CADPS: variants seen among roughly 807,000 people sequenced by gnomAD.
The protein encoded by CADPS is calcium-dependent secretion activator 1.
Under a neutral mutation model 167.3 loss-of-function variants are expected in CADPS, and 57 were observed. The ratio of observed to expected loss-of-function variants is 0.34; its 90% CI spans 0.28 to 0.42. The LOEUF (loss-of-function observed/expected upper bound fraction) is 0.42, where lower values mean the gene tolerates loss of function less well. Ranked by LOEUF, CADPS falls within the 20% of genes least tolerant of loss-of-function variation. The pLI, the probability that CADPS is intolerant of heterozygous loss-of-function variation, is 1.00. For missense variants in CADPS, 1,414 were observed against 1,738.1 expected, an observed-to-expected ratio of 0.81 and a Z score of 3.32; for synonymous variants, 676 against 635.3, an observed-to-expected ratio of 1.06 and a Z score of -0.96.
chr3:62,659,536 C>A (rs1183100671), intron 4 of CADPS, among the ~76,000 whole-genome samples: 2 of 151,920 alleles, frequency 1.3e-5, no homozygotes, highest in African/African-American at 4.8e-5. Context: ...TCAGTGTAGA[C>A]TCTGTCTCTG....
chr3:62,520,032 A>G (rs2070072373), intron 13 of CADPS, among the ~76,000 whole-genome samples: 1 of 152,196 alleles, frequency 6.6e-6, no homozygotes, highest in Non-Finnish European at 1.5e-5. Flanking sequence ...TGGGGGAAAA[A>G]TGGAGCAATT....
At chr3:62,562,468 T>C (rs1415796393) in intron 9 of CADPS, among the ~76,000 whole-genome samples, 1 of 152,204 alleles carries the variant, frequency 6.6e-6, no homozygotes, top group Non-Finnish European at 1.5e-5. Flanking sequence ...GATGATAACA[T>C]CTGTGGGACA....
rs906364003 is a variant in CADPS at position 62,868,939 on chromosome 3, C to T, written c.441+5650G>A. ...AGAAATTATCCCAGAGTCTTGCCTACAATCAGTTGTTCATTAGTGGCAGGG... is the reference window on the plus strand; with the variant it reads ...AGAAATTATCCCAGAGTCTTGCCTATAATCAGTTGTTCATTAGTGGCAGGG... On this transcript the variant is annotated intron_variant, in intron 1 of 29. Transcript: ENST00000383710. 2.6e-5 allele frequency among the ~76,000 whole-genome samples: 4 copies of T among 152,192 alleles called. No individual in the cohort carries two copies. In the East Asian group the frequency reaches 7.7e-4, roughly 29 times the overall value.
At chr3:62,574,377 C>A (rs976875315) in intron 8 of CADPS, among the ~76,000 whole-genome samples, 8 of 152,028 alleles carry the variant, frequency 5.3e-5, no homozygotes, top group African/African-American at 1.9e-4. Context: ...TAGGAGGAAG[C>A]GGGGCAAGAG....
intron 3 of CADPS, among the ~76,000 whole-genome samples, chr3:62,696,835 A>G (rs964225226): frequency 6.6e-6 from 1 of 152,078 alleles, no homozygotes; most frequent in African/African-American, 2.4e-5. Flanking sequence ...GATCATTTGC[A>G]CATGAGGATG....
chr3:62,798,064 A>C (rs2093550155), intron 1 of CADPS, among the ~76,000 whole-genome samples: 1 of 152,222 alleles, frequency 6.6e-6, no homozygotes. Flanking sequence ...TGGCAGACAG[A>C]CAATATACAA....
At chr3:62,618,431 G>A (rs934201785) in intron 6 of CADPS, among the ~76,000 whole-genome samples, 1 of 152,150 alleles carries the variant, frequency 6.6e-6, no homozygotes, top group African/African-American at 2.4e-5. Context: ...TGGTATCATT[G>A]GGACTGCAAG....
intron 21 of CADPS, 68 bp from the exon 22 acceptor site, chr3:62,481,937 C>A (rs138982059): frequency 6.9e-7 from 1 of 1,455,234 alleles, no homozygotes; most frequent in Non-Finnish European, 9.4e-7. Context: ...CAGAAGCACA[C>A]GACAATTGTA....
At chr3:62,608,873 C>T (rs145343032) in intron 6 of CADPS, among the ~76,000 whole-genome samples, 131 of 152,276 alleles carry the variant, frequency 8.6e-4, no homozygotes, top group African/African-American at 3.1e-3. Context: ...TCCTTGAATG[C>T]CAACTTGTAC....
intron 1 of CADPS, among the ~76,000 whole-genome samples, chr3:62,768,189 G>A (rs1469767115): frequency 6.6e-6 from 1 of 152,176 alleles, no homozygotes; most frequent in South Asian, 2.1e-4. Flanking sequence ...ATATTAGGTA[G>A]CAGTTGATTT....
In CADPS at chr3:62,523,480, G is replaced by A. The variant is rs188787981; in HGVS notation, c.2292-5230C>T. 5.9e-5 allele frequency among the ~76,000 whole-genome samples: 9 copies of A among 152,264 alleles called. No homozygotes were observed. In the East Asian group the frequency reaches 1.7e-3, roughly 29 times the overall value. ...CACTACACACCCAGGTGAGCACACAGACTTTTAGCAGTTCATTATCTTTCT... is the reference window on the plus strand; with the variant it reads ...CACTACACACCCAGGTGAGCACACAAACTTTTAGCAGTTCATTATCTTTCT... On this transcript the variant is annotated intron_variant, in intron 13 of 29. Coordinates refer to ENST00000383710, the MANE Select transcript of CADPS (RefSeq NM_003716.4).
At chr3:62,594,345 T>G (rs1438206667) in intron 6 of CADPS, among the ~76,000 whole-genome samples, 1 of 151,574 alleles carries the variant, frequency 6.6e-6, no homozygotes, top group African/African-American at 2.4e-5. Context: ...GTATTTTTAG[T>G]AGAGACGCGG....
chr3:62,585,020 G>T (rs923048560), intron 8 of CADPS, among the ~76,000 whole-genome samples, 165 bp downstream of exon 8: 2 of 152,226 alleles, frequency 1.3e-5, no homozygotes, highest in African/African-American at 4.8e-5. Context: ...GTCATCCTAA[G>T]AATTGAGGAA....
At chr3:62,429,723 C>T (rs1031010479) in intron 28 of CADPS, among the ~76,000 whole-genome samples, 1 of 152,004 alleles carries the variant, frequency 6.6e-6, no homozygotes, top group African/African-American at 2.4e-5. Flanking sequence ...AAAAAAAACC[C>T]CTGTTCTAAG....
In CADPS at chr3:62,511,317, G is replaced by A. The variant is rs141500732; in HGVS notation, c.2599+1434C>T. On this transcript the variant is annotated intron_variant, in intron 17 of 29. Transcript: ENST00000383710. ...TCATTTCACTCTGTTTTGCAGCTAC[G>A]TTGAATTAATTACAGAGTAGTTAAA... Among the ~76,000 whole-genome samples the A allele has an allele frequency of 4.0e-3, 605 of 152,200 alleles. 5 individuals are homozygous for A. The highest frequency in any genetic ancestry group is 0.013 in the African/African-American group (536 of 41,526).
chr3:62,709,015 T>C (rs2082868960), intron 3 of CADPS, among the ~76,000 whole-genome samples: 1 of 151,892 alleles, frequency 6.6e-6, no homozygotes. Flanking sequence ...CACCTTCCTT[T>C]TCACTGCAAA....
intron 2 of CADPS, among the ~76,000 whole-genome samples, chr3:62,754,678 C>G (rs112081977): frequency 2.6e-5 from 4 of 152,058 alleles, no homozygotes; most frequent in African/African-American, 9.7e-5. Flanking sequence ...TTTGTAGAGA[C>G]AGGGTCTTGC....
chr3:62,471,612 T>C (rs930859263), intron 24 of CADPS, among the ~76,000 whole-genome samples: 1 of 152,092 alleles, frequency 6.6e-6, no homozygotes, highest in Admixed American at 6.5e-5. Context: ...TTTTGAAACA[T>C]GGCCGTCATT....
intron 28 of CADPS, among the ~76,000 whole-genome samples, chr3:62,410,735 G>A (rs954846864): frequency 1.4e-4 from 22 of 152,174 alleles, no homozygotes; most frequent in African/African-American, 2.4e-5. Context: ...TCTGAGCCAT[G>A]TTGTCCTAAC....
Sources: gnomAD v4.1 joint callset for allele counts (sites outside exome capture counted in the v4.1 genomes callset) on GRCh38, gnomAD v4.1.1 for gene constraint, MANE v1.5 for transcripts, NCBI Gene and HGNC (gene_info 2026-07-23, HGNC 2026-07-21) for gene names.